Variants in NBAS observed in about 807,000 individuals in gnomAD.
The protein encoded by NBAS is NBAS subunit of NRZ tethering complex.
NBAS carries 219 observed loss-of-function variants against 302.5 expected under a neutral mutation model. That is an observed-to-expected ratio of 0.72 (90% CI 0.65 to 0.81). NBAS has a LOEUF of 0.81. NBAS is among the 30% of genes least tolerant of loss of function. The pLI, the probability that NBAS is intolerant of heterozygous loss-of-function variation, is 0.00. For synonymous variants in NBAS, 1,118 were observed against 1,021.6 expected (o/e 1.09, Z -1.80); for missense variants, 2,932 against 2,841.6 (o/e 1.03, Z -0.72).
At chr2:15,477,208 G>A (rs959597327) in intron 13 of NBAS, among the ~76,000 whole-genome samples, 6 of 152,152 alleles carry the variant, frequency 3.9e-5, no homozygotes, top group African/African-American at 1.4e-4. Context: ...TTCAAAGCAT[G>A]GAACCTGATG....
intron 51 of NBAS, among the ~76,000 whole-genome samples, chr2:15,167,823 C>A (rs572307014): frequency 9.9e-4 from 150 of 152,272 alleles, no homozygotes; most frequent in African/African-American, 3.4e-3. Context: ...AATGCTGTAT[C>A]TTTCTTGAAT....
intron 21 of NBAS, among the ~76,000 whole-genome samples, chr2:15,458,299 T>G (rs1421001066): frequency 6.6e-6 from 1 of 152,174 alleles, no homozygotes; most frequent in Non-Finnish European, 1.5e-5. Context: ...ACAAGTGTGA[T>G]TTTGCTTTGC....
the NBAS span, among the ~76,000 whole-genome samples, chr2:15,076,177 C>T: frequency 6.6e-6 from 1 of 152,230 alleles, no homozygotes; most frequent in Non-Finnish European, 1.5e-5. Context: ...CCACTCCACA[C>T]AGACAGTAGA....
chr2:15,168,361 C>G (rs12465981), intron 51 of NBAS, among the ~76,000 whole-genome samples: 1 of 152,096 alleles, frequency 6.6e-6, no homozygotes, highest in Non-Finnish European at 1.5e-5. Flanking sequence ...TCAACTGTGT[C>G]TACTTGTCTA....
At chr2:15,471,047 T>C (rs1189788678) in intron 16 of NBAS, among the ~76,000 whole-genome samples, 1 of 152,208 alleles carries the variant, frequency 6.6e-6, no homozygotes, top group Admixed American at 6.5e-5. Context: ...GTCCCTAGCA[T>C]AGTGCTCTTG....
chr2:15,453,294 G>A (rs1331569320), intron 21 of NBAS, among the ~76,000 whole-genome samples: 1 of 152,168 alleles, frequency 6.6e-6, no homozygotes, highest in African/African-American at 2.4e-5. Context: ...AGAGCACAAA[G>A]AGGCCCTAAG....
At chr2:15,316,889 C>T (rs773362965) in intron 38 of NBAS, among the ~76,000 whole-genome samples, 14 of 152,162 alleles carry the variant, frequency 9.2e-5, no homozygotes, top group African/African-American at 2.7e-4. Flanking sequence ...CCCAGCATAG[C>T]GTTTGAGCTC....
At chr2:15,420,968 T>C (rs893909734) in intron 23 of NBAS, among the ~76,000 whole-genome samples, 8 of 151,572 alleles carry the variant, frequency 5.3e-5, no homozygotes, top group Admixed American at 2.6e-4. Flanking sequence ...TTGGAAAGAG[T>C]GGTCCAAATA....
the NBAS span, among the ~76,000 whole-genome samples, chr2:15,038,087 A>G: frequency 6.8e-6 from 1 of 147,144 alleles, no homozygotes; most frequent in African/African-American, 2.5e-5. Context: ...TATAATATAT[A>G]TATATATATG....
chr2:15,021,394 G>A, the NBAS span, among the ~76,000 whole-genome samples: 110 of 152,236 alleles, frequency 7.2e-4, no homozygotes, highest in Middle Eastern at 3.4e-3. Context: ...GGAGGAGTAC[G>A]TAATCACCTC....
intron 21 of NBAS, among the ~76,000 whole-genome samples, chr2:15,453,553 C>T (rs1376365713): frequency 6.6e-6 from 1 of 151,940 alleles, no homozygotes. Flanking sequence ...ACTGTGAAAC[C>T]AAAGGTCAAG....
At chr2:14,901,740 C>T in the NBAS span, among the ~76,000 whole-genome samples, 1 of 152,146 alleles carries the variant, frequency 6.6e-6, no homozygotes, top group Non-Finnish European at 1.5e-5. Context: ...TTTTTAAATA[C>T]ACAGCCCACA....
At chr2:15,069,434 C>T in the NBAS span, among the ~76,000 whole-genome samples, 1 of 152,130 alleles carries the variant, frequency 6.6e-6, no homozygotes, top group Admixed American at 6.5e-5. Flanking sequence ...GATTACCTTC[C>T]AAGACTCCTA....
At chr2:15,261,975 T>C (rs577332875) in intron 44 of NBAS, among the ~76,000 whole-genome samples, 5 of 152,292 alleles carry the variant, frequency 3.3e-5, no homozygotes, top group South Asian at 2.1e-4. Context: ...CACTTCAAAC[T>C]ACTCAGGATC....
At chr2:15,064,408 T>A in the NBAS span, among the ~76,000 whole-genome samples, 1 of 151,398 alleles carries the variant, frequency 6.6e-6, no homozygotes, top group African/African-American at 2.4e-5. Context: ...ACAAATTAGA[T>A]AACCTAGGTG....
At chr2:15,447,406 G>A (rs375072178) in intron 21 of NBAS, among the ~76,000 whole-genome samples, 33 of 152,302 alleles carry the variant, frequency 2.2e-4, no homozygotes, top group Middle Eastern at 3.4e-3. Flanking sequence ...TTTTCCCAGA[G>A]TTTAGGTAAA....
the NBAS span, among the ~76,000 whole-genome samples, chr2:14,865,696 T>C: frequency 2.0e-5 from 3 of 152,234 alleles, no homozygotes; most frequent in Admixed American, 6.5e-5. Flanking sequence ...CTTATAATTA[T>C]GTACTAGACT....
chr2:15,305,857 G>A (rs1416549462), intron 40 of NBAS, among the ~76,000 whole-genome samples: 2 of 152,176 alleles, frequency 1.3e-5, no homozygotes, highest in African/African-American at 4.8e-5. Flanking sequence ...CCTTAATAAA[G>A]ATGATATAGT....
Position 15,553,491 on chromosome 2 carries a change from GA to G in NBAS, c.288-19del, listed in dbSNP as rs928043540. ...TTCCATTGCTTTTATGGAGAAGAAA[GA>G]GGGGGAAGAAAATCTATTATGAATA... On this transcript the variant is annotated intron_variant, in intron 4 of 51. Coordinates refer to ENST00000281513, the MANE Select transcript of NBAS (RefSeq NM_015909.4). 23 of 1,601,998 alleles carry G rather than the reference GA, an allele frequency of 1.4e-5. No individual in the cohort carries two copies. In the African/African-American group the frequency reaches 3.1e-4, roughly 21 times the overall value.
Sources: allele counts gnomAD v4.1 joint callset (sites outside exome capture counted in the v4.1 genomes callset), GRCh38; gene constraint gnomAD v4.1.1; transcripts MANE v1.5; gene names NCBI Gene and HGNC (gene_info 2026-07-23, HGNC 2026-07-21).